OTUD5: variants seen among roughly 807,000 people sequenced by gnomAD.
OTUD5 encodes the protein OTU domain-containing protein 5.
OTUD5 carries 2 observed loss-of-function variants against 36.3 expected under a neutral mutation model. That is an observed-to-expected ratio of 0.06 (90% CI 0.02 to 0.17). OTUD5 has a LOEUF of 0.17. OTUD5 is among the 10% of genes least tolerant of loss of function. The pLI is 1.00. For synonymous variants in OTUD5, 234 were observed against 214.9 expected, an observed-to-expected ratio of 1.09 and a Z score of -0.78; for missense variants, 233 against 512.3, an observed-to-expected ratio of 0.45 and a Z score of 5.26.
chrX:48,955,902 C>T (rs1361859975), intron 1 of OTUD5, among the ~76,000 whole-genome samples: 1 of 111,803 alleles, frequency 8.9e-6, no homozygotes, highest in East Asian at 2.8e-4. Context: ...AAGACTTCAC[C>T]TTGTCTGAGA....
chrX:48,933,580 G>A (rs1453093735), intron 5 of OTUD5, among the ~76,000 whole-genome samples: 2 of 109,986 alleles, frequency 1.8e-5, no homozygotes, highest in African/African-American at 6.6e-5. Flanking sequence ...GCCACACCCA[G>A]CTAATTTTTG....
intron 1 of OTUD5, among the ~76,000 whole-genome samples, chrX:48,951,369 C>G (rs2064140255): frequency 1.8e-5 from 2 of 112,116 alleles, no homozygotes; most frequent in African/African-American, 6.5e-5. Flanking sequence ...AATCCCAGCA[C>G]TTTGGGAGGC....
At chrX:48,941,473 A>C in intron 2 of OTUD5, among the ~76,000 whole-genome samples, 1 of 94,770 alleles carries the variant, frequency 1.1e-5, no homozygotes, top group Non-Finnish European at 2.1e-5. Context: ...AAAAAAAAGA[A>C]TGCGTGTCCT....
At chrX:48,955,683 C>T (rs1349893517) in intron 1 of OTUD5, among the ~76,000 whole-genome samples, 1 of 111,315 alleles carries the variant, frequency 9.0e-6, no homozygotes, top group Non-Finnish European at 1.9e-5. Flanking sequence ...GTTCCCAAGG[C>T]ATGGGTCGTA....
chrX:48,935,611 G>A (rs1557049776), intron 2 of OTUD5, among the ~76,000 whole-genome samples: 1 of 111,296 alleles, frequency 9.0e-6, no homozygotes, highest in Non-Finnish European at 1.9e-5. Flanking sequence ...CAAGTGTTCT[G>A]AGCCTCATAT....
intron 1 of OTUD5, among the ~76,000 whole-genome samples, chrX:48,952,788 C>A (rs2064169917): frequency 8.9e-6 from 1 of 112,495 alleles, no homozygotes; most frequent in Admixed American, 9.4e-5. Flanking sequence ...TGGGCAGAGA[C>A]CCCTTCCTGC....
Position 48,957,435 on chromosome X carries a change from C to T in OTUD5, c.136G>A (p.Gly46Ser), listed in dbSNP as rs1158259015. The T allele has an allele frequency of 2.0e-5, 20 of 1,024,609 alleles. No homozygotes were observed. Among genetic ancestry groups the T allele is most frequent in the Non-Finnish European group, 2.5e-5 (20 of 806,918 alleles). 84.4% of individuals were successfully genotyped at this position (1,024,609 alleles called of 1,213,427 possible). Reference sequence around the variant, plus strand: ...GAGTCACGGTCGCGATCGCCGCCGCCCACGCCCGTGCCGCCGCCGCCCACG... The same window carrying T: ...GAGTCACGGTCGCGATCGCCGCCGCTCACGCCCGTGCCGCCGCCGCCCACG... ...VGVGGGGTGV[G>S]GGDRDRDSGV... is the part of the protein sequence containing the mutation. The change falls in exon 1 of 9, where the codon GGC becomes AGC. Residue 46 changes from glycine to serine, a missense_variant. Physicochemically the swap from Gly to Ser is moderately conservative, Grantham distance 56 (BLOSUM62 0). Transcript: ENST00000376488.
Position 48,922,660 on chromosome X carries a change from A to T in OTUD5, c.*514T>A, listed in dbSNP as rs1369295207. ...TTTATAAGATAAAAGTAATTTTAAT[A>T]AAGAAAAAATTCAACATTGAAGGCT... On this transcript the variant is annotated 3_prime_UTR_variant, in exon 9 of 9. Coordinates refer to ENST00000376488, the MANE Select transcript of OTUD5 (RefSeq NM_001136157.2). 1.3e-6 allele frequency: 1 copy of T among 753,005 alleles called. No individual in the cohort carries two copies. Among genetic ancestry groups the T allele is most frequent in the Non-Finnish European group, 1.6e-6 (1 of 638,493 alleles). 62.1% of individuals were successfully genotyped at this position (753,005 alleles called of 1,213,427 possible).
At chrX:48,933,364 T>C (rs1292515977) in intron 5 of OTUD5, among the ~76,000 whole-genome samples, 1 of 111,561 alleles carries the variant, frequency 9.0e-6, no homozygotes, top group Non-Finnish European at 1.9e-5. Context: ...ATGTACTATG[T>C]TAATACATTA....
rs2063606933 is a variant in OTUD5 at position 48,923,111 on chromosome X, G to A, written c.*63C>T. ...CAAGAGGGAAGAAGCCAAAGAAGGT[G>A]AGGTGGCACCGGAGAGCAGGAGTAC... On this transcript the variant is annotated 3_prime_UTR_variant, in exon 9 of 9. Coordinates refer to ENST00000376488, the MANE Select transcript of OTUD5 (RefSeq NM_001136157.2). 2 of 1,205,199 alleles carry A rather than the reference G, an allele frequency of 1.7e-6. No individual in the cohort carries two copies. Among genetic ancestry groups the A allele is most frequent in the African/African-American group, 1.8e-5 (1 of 56,757 alleles).
chrX:48,947,144 C>T (rs1164439361), intron 1 of OTUD5, among the ~76,000 whole-genome samples: 1 of 111,635 alleles, frequency 9.0e-6, no homozygotes, highest in Non-Finnish European at 1.9e-5. Flanking sequence ...TTTGGGAGGC[C>T]GAGGCAGGTG....
chrX:48,923,805 C>T (rs782817638), intron 7 of OTUD5, 46 bp downstream of exon 7: 3 of 1,190,054 alleles, frequency 2.5e-6, no homozygotes, highest in Middle Eastern at 2.3e-4. Context: ...GGACCCAGGA[C>T]GTGCCTCCTA....
chrX:48,955,457 C>A lies in OTUD5; in HGVS notation c.594+1520G>T, dbSNP rs781826795. Among the ~76,000 whole-genome samples, 16 of 111,583 alleles carry A rather than the reference C, an allele frequency of 1.4e-4. 1 individual carries two copies. In the South Asian group the frequency reaches 3.4e-3, roughly 24 times the overall value. ...GTCCTCCTGTTTCTCAGGTGTACAT[C>A]TTAAGTTCCTTGAGGAGGAAGCTCA... On this transcript the variant is annotated intron_variant, in intron 1 of 8. Transcript: ENST00000376488.
At chrX:48,953,382 G>T (rs1257874123) in intron 1 of OTUD5, among the ~76,000 whole-genome samples, 2 of 111,706 alleles carry the variant, frequency 1.8e-5, no homozygotes, top group Non-Finnish European at 3.8e-5. Flanking sequence ...GAGAAACCCA[G>T]TTCCTCCTCA....
intron 1 of OTUD5, among the ~76,000 whole-genome samples, chrX:48,952,575 A>C (rs2036798825): frequency 8.9e-6 from 1 of 112,290 alleles, no homozygotes; most frequent in South Asian, 3.6e-4. Flanking sequence ...CCCAAAGGCC[A>C]AGGGGTCCCA....
chrX:48,954,231 G>A (rs1557054593), intron 1 of OTUD5, among the ~76,000 whole-genome samples: 1 of 111,086 alleles, frequency 9.0e-6, no homozygotes, highest in Non-Finnish European at 1.9e-5. Flanking sequence ...GAGTAGCTGG[G>A]ACTACAGGCA....
intron 1 of OTUD5, among the ~76,000 whole-genome samples, chrX:48,948,469 G>A (rs1423246367): frequency 8.9e-6 from 1 of 112,521 alleles, no homozygotes; most frequent in Admixed American, 9.4e-5. Context: ...GCCCCCACGA[G>A]CCACAGCATG....
chrX:48,950,151 AG>A (rs1293623599), intron 1 of OTUD5, among the ~76,000 whole-genome samples: 2 of 109,186 alleles, frequency 1.8e-5, no homozygotes, highest in Admixed American at 9.8e-5. Flanking sequence ...AAAAAAAAAA[AG>A]AGAAGAGAAA....
At position 48,952,484 on chromosome X, in the gene OTUD5, A is replaced by G. The variant is rs782243929; in HGVS notation, c.594+4493T>C. Among the ~76,000 whole-genome samples the G allele has an allele frequency of 2.7e-5, 3 of 112,648 alleles. No individual in the cohort carries two copies. The East Asian group carries it at 8.3e-4, about 31-fold the overall frequency. The stretch of plus-strand genomic sequence containing the variant: ...TATGGTACATGAATTACATCTCATT[A>G]AAGTTGTTAAAAGAAACACACCCAA... On this transcript the variant is annotated intron_variant, in intron 1 of 8. Coordinates refer to ENST00000376488, the MANE Select transcript of OTUD5 (RefSeq NM_001136157.2).
Sources: allele counts gnomAD v4.1 joint callset (sites outside exome capture counted in the v4.1 genomes callset), GRCh38; gene constraint gnomAD v4.1.1; transcripts MANE v1.5; gene names NCBI Gene and HGNC (gene_info 2026-07-23, HGNC 2026-07-21).